PIGK: variants seen among roughly 807,000 people sequenced by gnomAD.
PIGK encodes GPI-anchor transamidase.
A neutral mutation model predicts 50.6 loss-of-function variants in PIGK; 42 were observed. That is an observed-to-expected ratio of 0.83 (90% confidence interval 0.65 to 1.07). The LOEUF (loss-of-function observed/expected upper bound fraction) is 1.07, where lower values mean the gene tolerates loss of function less well. Ranked by LOEUF, PIGK falls within the 50% of genes least tolerant of loss-of-function variation. The pLI is 0.00. For missense variants in PIGK, 448 were observed against 488.7 expected (o/e 0.92, Z 0.78); for synonymous variants, 151 against 156.0 (o/e 0.97, Z 0.24).
chr1:77,126,822 A>G (rs1654243473), intron 9 of PIGK, among the ~76,000 whole-genome samples: 1 of 152,168 alleles, frequency 6.6e-6, no homozygotes, highest in Non-Finnish European at 1.5e-5. Context: ...GTAAAATGGT[A>G]AAGTTCTCTT....
chr1:77,179,383 C>A (rs1203029157), intron 3 of PIGK, among the ~76,000 whole-genome samples: 1 of 152,174 alleles, frequency 6.6e-6, no homozygotes, highest in Non-Finnish European at 1.5e-5. Context: ...TCCTTGTGGA[C>A]AAACTGCAAC....
At chr1:77,143,579 A>C (rs899578600) in intron 9 of PIGK, among the ~76,000 whole-genome samples, 11 of 152,246 alleles carry the variant, frequency 7.2e-5, no homozygotes, top group Non-Finnish European at 1.3e-4. Flanking sequence ...TGACAATTCA[A>C]TATCAAAATT....
intron 9 of PIGK, among the ~76,000 whole-genome samples, chr1:77,146,472 G>C (rs1654770939): frequency 6.6e-6 from 1 of 151,940 alleles, no homozygotes; most frequent in Non-Finnish European, 1.5e-5. Flanking sequence ...GATCAGCCTG[G>C]ATAACATAGC....
Position 77,094,487 on chromosome 1 carries a change from T to A in PIGK, c.1072-1997A>T, listed in dbSNP as rs528077102. ...TTAAGAAGGCATTTAAACCAAGTCA[T>A]GTTTTTCAAAAAATGGTGAACATCA... On this transcript the variant is annotated intron_variant, in intron 10 of 10. Transcript: ENST00000370812. 2.0e-5 allele frequency among the ~76,000 whole-genome samples: 3 copies of A among 152,250 alleles called. No individual in the cohort carries two copies. In the South Asian group the frequency reaches 6.2e-4, roughly 32 times the overall value.
In PIGK at chr1:77,166,600, T is replaced by C. The variant is rs943667962; in HGVS notation, c.487+119A>G. 6 of 583,334 alleles carry C rather than the reference T, an allele frequency of 1.0e-5. No homozygotes were observed. In the East Asian group the frequency reaches 1.2e-4, roughly 11 times the overall value. The allele number at this position is 583,334 out of a possible 1,614,324, so 36.1% of individuals were successfully genotyped here. On this transcript the variant is annotated intron_variant, in intron 5 of 10. Coordinates refer to ENST00000370812, the MANE Select transcript of PIGK (RefSeq NM_005482.3). ...AGTTCTACATTATGGAAAATATAAC[T>C]ACATGAGAAACCATTTTAACCAAAA...
chr1:77,172,842 T>C (rs995197911), intron 3 of PIGK, among the ~76,000 whole-genome samples: 8 of 152,196 alleles, frequency 5.3e-5, no homozygotes, highest in East Asian at 1.9e-4. Context: ...GAGAATGGCA[T>C]GAACCTGGGA....
intron 3 of PIGK, among the ~76,000 whole-genome samples, chr1:77,185,075 T>C (rs1404153445): frequency 6.6e-6 from 1 of 152,210 alleles, no homozygotes; most frequent in Admixed American, 6.5e-5. Flanking sequence ...CGATGTGGTT[T>C]CATTGCTTGA....
At position 77,154,630 on chromosome 1, in the gene PIGK, A is replaced by C; in HGVS notation, c.814-9T>G. 1 of 1,567,188 alleles carries C rather than the reference A, an allele frequency of 6.4e-7. No homozygotes were observed. On this transcript the variant is annotated splice_polypyrimidine_tract_variant and intron_variant, in intron 8 of 10. Transcript: ENST00000370812. Reference sequence around the variant, plus strand: ...TTGGGACATACCTGAAACTGAAAAAATATATAATAATAAATGCATGCATCC... The same window carrying C: ...TTGGGACATACCTGAAACTGAAAAACTATATAATAATAAATGCATGCATCC...
intron 9 of PIGK, among the ~76,000 whole-genome samples, chr1:77,138,949 C>G (rs1654583508): frequency 1.3e-5 from 2 of 152,078 alleles, no homozygotes; most frequent in Admixed American, 1.3e-4. Context: ...CTCTTTTACC[C>G]CCATATCTCT....
chr1:77,095,661 G>C (rs1426445259), intron 10 of PIGK, among the ~76,000 whole-genome samples: 2 of 152,064 alleles, frequency 1.3e-5, no homozygotes, highest in Non-Finnish European at 2.9e-5. Flanking sequence ...AGAAAATGCA[G>C]GGAAAACCCT....
At chr1:77,194,967 G>A in intron 3 of PIGK, 1 of 620,064 alleles carries the variant, frequency 1.6e-6, no homozygotes, top group Non-Finnish European at 3.1e-6. Context: ...CTTAAGTGTG[G>A]AGCAGAGGAT....
chr1:77,161,264 T>C (rs372705893), intron 8 of PIGK, 31 bp downstream of exon 8: 28 of 990,864 alleles, frequency 2.8e-5, no homozygotes, highest in Non-Finnish European at 3.9e-5. Context: ...AGCATACCTA[T>C]GTGCTATAAT....
intron 3 of PIGK, among the ~76,000 whole-genome samples, chr1:77,189,302 T>A (rs983197557): frequency 6.6e-6 from 1 of 152,158 alleles, no homozygotes; most frequent in Non-Finnish European, 1.5e-5. Flanking sequence ...TGGGTTCAAG[T>A]TGACAAGGGA....
chr1:77,101,849 C>T (rs546076380), intron 10 of PIGK, among the ~76,000 whole-genome samples: 4 of 152,104 alleles, frequency 2.6e-5, no homozygotes, highest in Admixed American at 6.6e-5. Context: ...ACTAAAAATA[C>T]AAAAATTAGC....
chr1:77,140,082 G>A (rs1037934193), intron 9 of PIGK, among the ~76,000 whole-genome samples: 1 of 152,074 alleles, frequency 6.6e-6, no homozygotes, highest in African/African-American at 2.4e-5. Context: ...TCAAATATCA[G>A]GTTGAACTGT....
intron 3 of PIGK, among the ~76,000 whole-genome samples, chr1:77,174,947 T>C (rs1195759487): frequency 2.0e-5 from 3 of 152,182 alleles, no homozygotes; most frequent in Admixed American, 2.0e-4. Flanking sequence ...TAGTTATGTA[T>C]GCGTTCTGTG....
Position 77,169,401 on chromosome 1 carries a change from GA to G in PIGK, c.240-7del, listed in dbSNP as rs373063442. On this transcript the variant is annotated splice_polypyrimidine_tract_variant and splice_region_variant and intron_variant, in intron 3 of 10. Transcript: ENST00000370812. The stretch of plus-strand genomic sequence containing the variant: ...CAAGCATTAGGACAATGTGACTAGG[GA>G]AAAAAAATCCAGTAAATATATAATT... 15 of 1,569,080 alleles carry G rather than the reference GA, an allele frequency of 9.6e-6. No homozygotes were observed. The highest frequency in any genetic ancestry group is 6.1e-5 in the Admixed American group (3 of 49,470).
At chr1:77,178,334 T>C (rs1098120) in intron 3 of PIGK, among the ~76,000 whole-genome samples, 24,651 of 152,188 alleles carry the variant, frequency 0.16, 3,235 homozygotes, top group African/African-American at 0.36. Flanking sequence ...TTAGGTCCTT[T>C]TTCCATGGTT....
intron 10 of PIGK, among the ~76,000 whole-genome samples, chr1:77,118,353 C>A (rs1265258771): frequency 2.0e-5 from 3 of 151,984 alleles, no homozygotes; most frequent in African/African-American, 7.3e-5. Context: ...TATCCTCCTG[C>A]CTCATCCTCC....
Sources: allele counts gnomAD v4.1 joint callset (sites outside exome capture counted in the v4.1 genomes callset), GRCh38; gene constraint gnomAD v4.1.1; transcripts MANE v1.5; gene names NCBI Gene and HGNC (gene_info 2026-07-23, HGNC 2026-07-21).